Variants in KCNH5 observed in about 807,000 individuals in gnomAD.
The protein encoded by KCNH5 is voltage-gated delayed rectifier potassium channel KCNH5.
A neutral mutation model predicts 96.1 loss-of-function variants in KCNH5; 46 were observed. That is an observed-to-expected ratio of 0.48 (90% CI 0.38 to 0.61). KCNH5 has a LOEUF of 0.61. Among genes scored for constraint, KCNH5 ranks in the 20% least tolerant of loss-of-function variants. The pLI, the probability that KCNH5 is intolerant of heterozygous loss-of-function variation, is 0.00. For missense variants in KCNH5, 907 were observed against 1,225.8 expected (o/e 0.74, Z 3.88); for synonymous variants, 439 against 449.8 (o/e 0.98, Z 0.30).
rs1246455131 is a variant in KCNH5 at position 63,045,226 on chromosome 14, G to A, written c.-40C>T. 1 of 1,505,548 alleles carries A rather than the reference G, an allele frequency of 6.6e-7. No homozygotes were observed. The highest frequency in any genetic ancestry group is 2.3e-5 in the East Asian group (1 of 44,418). 93.3% of individuals were successfully genotyped at this position (1,505,548 alleles called of 1,614,324 possible). Reference sequence around the variant, plus strand: ...GCAGCGGCCAGGATCCGCGGCGGGGGAGGGGGGGATGCAGGCAAAGAAGGT... The same window carrying A: ...GCAGCGGCCAGGATCCGCGGCGGGGAAGGGGGGGATGCAGGCAAAGAAGGT... On this transcript the variant is annotated 5_prime_UTR_variant, in exon 1 of 11. Coordinates refer to ENST00000322893, the MANE Select transcript of KCNH5 (RefSeq NM_139318.5).
At chr14:62,852,643 C>T (rs1295056118) in intron 7 of KCNH5, among the ~76,000 whole-genome samples, 8 of 150,344 alleles carry the variant, frequency 5.3e-5, no homozygotes, top group Admixed American at 1.3e-4. Context: ...CTTGTTTCTT[C>T]GGTGTATAGT....
intron 4 of KCNH5, among the ~76,000 whole-genome samples, chr14:62,998,993 C>A (rs1426015056): frequency 6.6e-6 from 1 of 152,142 alleles, no homozygotes; most frequent in African/African-American, 2.4e-5. Context: ...CTGCAATAAA[C>A]ATACGTGTGC....
At chr14:63,008,374 A>G (rs1891165396) in intron 2 of KCNH5, among the ~76,000 whole-genome samples, 1 of 152,138 alleles carries the variant, frequency 6.6e-6, no homozygotes, top group African/African-American at 2.4e-5. Flanking sequence ...ACCAATCAAT[A>G]AAATTTACAA....
At chr14:62,745,065 T>C (rs1223635561) in intron 10 of KCNH5, among the ~76,000 whole-genome samples, 1 of 152,248 alleles carries the variant, frequency 6.6e-6, no homozygotes, top group Non-Finnish European at 1.5e-5. Flanking sequence ...ACCTGGAGTC[T>C]AGCAGAGGAT....
chr14:62,949,946 G>A, intron 7 of KCNH5, 187 bp downstream of exon 7: 2 of 565,012 alleles, frequency 3.5e-6, no homozygotes, highest in Non-Finnish European at 6.2e-6. Context: ...ACATTATTAT[G>A]TCCTGAAGAG....
intron 10 of KCNH5, among the ~76,000 whole-genome samples, chr14:62,766,971 C>T (rs1376435937): frequency 6.7e-6 from 1 of 150,136 alleles, no homozygotes; most frequent in Non-Finnish European, 1.5e-5. Flanking sequence ...TATGTACCCA[C>T]AAAAAATTAA....
intron 7 of KCNH5, among the ~76,000 whole-genome samples, chr14:62,876,412 G>A (rs1215962022): frequency 6.6e-6 from 1 of 152,192 alleles, no homozygotes; most frequent in Non-Finnish European, 1.5e-5. Flanking sequence ...GTGACGTATA[G>A]TTTACATGGA....
intron 7 of KCNH5, among the ~76,000 whole-genome samples, chr14:62,886,883 A>G (rs1393869192): frequency 6.6e-6 from 1 of 152,240 alleles, no homozygotes; most frequent in Non-Finnish European, 1.5e-5. Flanking sequence ...ATCATTTAAT[A>G]ATAGAATATT....
intron 8 of KCNH5, among the ~76,000 whole-genome samples, chr14:62,819,116 G>A (rs924671136): frequency 8.6e-5 from 13 of 151,944 alleles, no homozygotes; most frequent in Non-Finnish European, 1.5e-4. Context: ...ACAGGTGCCC[G>A]CCACCACGCC....
At chr14:62,940,778 T>C (rs1889771890) in intron 7 of KCNH5, among the ~76,000 whole-genome samples, 1 of 152,206 alleles carries the variant, frequency 6.6e-6, no homozygotes, top group African/African-American at 2.4e-5. Flanking sequence ...CTGGGCTCCC[T>C]CAGGCTGAAC....
At chr14:62,950,588 A>C (rs1889984794) in intron 6 of KCNH5, 29 bp from the exon 7 acceptor site, 4 of 1,475,144 alleles carry the variant, frequency 2.7e-6, no homozygotes, top group Non-Finnish European at 3.6e-6. Flanking sequence ...AAAAAATTAC[A>C]CCACATTTTC....
intron 10 of KCNH5, among the ~76,000 whole-genome samples, chr14:62,751,196 T>C (rs976272874): frequency 4.6e-5 from 7 of 152,094 alleles, no homozygotes; most frequent in African/African-American, 1.2e-4. Flanking sequence ...ACAAATCCCT[T>C]CCTAACAAGG....
chr14:62,738,203 G>A (rs1358198978), intron 10 of KCNH5, among the ~76,000 whole-genome samples: 2 of 152,162 alleles, frequency 1.3e-5, no homozygotes, highest in Non-Finnish European at 2.9e-5. Flanking sequence ...GTATATGCCA[G>A]ATGAAGAGAT....
At position 62,704,528 on chromosome 14, in the gene KCNH5, T is replaced by G. The variant is rs1222773455; in HGVS notation, c.*2980A>C. The G allele has an allele frequency of 1.3e-5, 2 of 151,962 alleles. No individual in the cohort carries two copies. Among genetic ancestry groups the G allele is most frequent in the African/African-American group, 4.8e-5 (2 of 41,436 alleles). 9.4% of individuals were successfully genotyped at this position (151,962 alleles called of 1,614,324 possible). On this transcript the variant is annotated 3_prime_UTR_variant, in exon 11 of 11. Transcript: ENST00000322893. ...TGATACATCACTCACATTTCCATTC[T>G]AATTTGACTTTTGCTATTTTGTTAC...
intron 10 of KCNH5, among the ~76,000 whole-genome samples, chr14:62,741,122 C>A (rs1395007141): frequency 6.6e-6 from 1 of 152,114 alleles, no homozygotes; most frequent in Non-Finnish European, 1.5e-5. Flanking sequence ...GTAAAGAAGA[C>A]TCATAATGGA....
chr14:62,718,510 C>G (rs1884735430), intron 10 of KCNH5, among the ~76,000 whole-genome samples: 1 of 152,088 alleles, frequency 6.6e-6, no homozygotes, highest in Non-Finnish European at 1.5e-5. Flanking sequence ...CTACAATAAG[C>G]TATCATTTCA....
Position 62,700,970 on chromosome 14 carries a change from G to C in KCNH5, c.*6538C>G, listed in dbSNP as rs952326154. 1.3e-5 allele frequency: 2 copies of C among 152,156 alleles called. No homozygotes were observed. Among genetic ancestry groups the C allele is most frequent in the Non-Finnish European group, 2.9e-5 (2 of 68,000 alleles). The allele number at this position is 152,156 out of a possible 1,614,324, so 9.4% of individuals were successfully genotyped here. A position where few individuals can be genotyped will look rare whatever the true frequency, so the allele number is the denominator to read the frequency against. On this transcript the variant is annotated 3_prime_UTR_variant, in exon 11 of 11. Coordinates refer to ENST00000322893, the MANE Select transcript of KCNH5 (RefSeq NM_139318.5). ...ATGAAATATGATTTAGCAGAGAATG[G>C]GGATAAAATTACTTAAATTAGTTAT...
chr14:62,910,678 C>T (rs531032258), intron 7 of KCNH5, among the ~76,000 whole-genome samples: 61 of 152,230 alleles, frequency 4.0e-4, no homozygotes, highest in South Asian at 8.3e-4. Flanking sequence ...GAGAAAACTA[C>T]AAAATGTTTC....
intron 2 of KCNH5, among the ~76,000 whole-genome samples, chr14:63,015,189 TG>T: frequency 6.6e-6 from 1 of 152,126 alleles, no homozygotes; most frequent in Non-Finnish European, 1.5e-5. Flanking sequence ...TTCTCAAGCC[TG>T]GATAGGCACC....
Sources: gnomAD v4.1 joint callset for allele counts (sites outside exome capture counted in the v4.1 genomes callset) on GRCh38, gnomAD v4.1.1 for gene constraint, MANE v1.5 for transcripts, NCBI Gene and HGNC (gene_info 2026-07-23, HGNC 2026-07-21) for gene names.